The following TAF2 variants were observed in gnomAD, a reference collection of about 807,000 sequenced individuals.
The protein encoded by TAF2 is TATA-box binding protein associated factor 2, also known as transcription initiation factor TFIID subunit 2.
In TAF2, 61 loss-of-function variants were observed where a neutral mutation model predicts 138.5. That is an observed-to-expected ratio of 0.44 (90% CI 0.36 to 0.54). The LOEUF is 0.54. Among genes scored for constraint, TAF2 ranks in the 20% least tolerant of loss-of-function variants. The pLI is 0.00. For missense variants in TAF2, 1,090 were observed against 1,427.9 expected (o/e 0.76, Z 3.81); for synonymous variants, 475 against 469.9 (o/e 1.01, Z -0.14).
intron 2 of TAF2, among the ~76,000 whole-genome samples, chr8:119,827,143 G>C (rs1826153536): frequency 6.6e-6 from 1 of 152,128 alleles, no homozygotes; most frequent in Non-Finnish European, 1.5e-5. Flanking sequence ...GCAGTGAGCT[G>C]TGATTGCGCC....
chr8:119,748,509 G>A (rs569043447), intron 22 of TAF2, among the ~76,000 whole-genome samples: 2 of 151,860 alleles, frequency 1.3e-5, no homozygotes, highest in South Asian at 4.2e-4. Context: ...TTTTGCTGCT[G>A]TGTGACATAC....
At chr8:119,788,696 T>C in intron 13 of TAF2, 94 bp downstream of exon 13, 7 of 938,398 alleles carry the variant, frequency 7.5e-6, no homozygotes, top group Non-Finnish European at 1.2e-5. Context: ...AAACAAAATC[T>C]CATTAATTTC....
chr8:119,804,505 T>C (rs1375673650), intron 4 of TAF2, among the ~76,000 whole-genome samples: 3 of 152,178 alleles, frequency 2.0e-5, no homozygotes, highest in Non-Finnish European at 4.4e-5. Context: ...TTGCTGTTCT[T>C]GTGATAGTGA....
intron 3 of TAF2, among the ~76,000 whole-genome samples, chr8:119,811,298 T>C (rs564994981): frequency 6.6e-6 from 1 of 152,236 alleles, no homozygotes; most frequent in African/African-American, 2.4e-5. Context: ...CTTAAAACTA[T>C]AGATGCAGAT....
chr8:119,752,815 A>G (rs561344016), intron 22 of TAF2, among the ~76,000 whole-genome samples: 6 of 152,348 alleles, frequency 3.9e-5, no homozygotes, highest in African/African-American at 9.6e-5. Flanking sequence ...GTAACTATGC[A>G]AAGTCAATAT....
At position 119,806,275 on chromosome 8, in the gene TAF2, T is replaced by C. The variant is rs1165700063; in HGVS notation, c.418+8A>G. 1 of 1,608,458 alleles carries C rather than the reference T, an allele frequency of 6.2e-7. No homozygotes were observed. Among genetic ancestry groups the C allele is most frequent in the Non-Finnish European group, 8.5e-7 (1 of 1,174,944 alleles). The stretch of plus-strand genomic sequence containing the variant: ...TAGTGTACAGTCAATATACTCTTGG[T>C]GCTTTACCATCAACGTGTTTCCATA... On this transcript the variant is annotated splice_region_variant and intron_variant, in intron 4 of 25. Coordinates refer to ENST00000378164, the MANE Select transcript of TAF2 (RefSeq NM_003184.4).
rs541125544 is a variant in TAF2, at chr8:119,736,713, AT to A, written c.3338-4528del. On this transcript the variant is annotated intron_variant, in intron 25 of 25. Transcript: ENST00000378164. ...TGAAATATCACTATCTTGCAACTTA[AT>A]GAATTAAGGAATCTAGTTTGAACAT... Among the ~76,000 whole-genome samples the A allele has an allele frequency of 2.4e-3, 371 of 152,342 alleles. 3 individuals carry two copies. Among genetic ancestry groups the A allele is most frequent in the African/African-American group, 8.0e-3 (331 of 41,590 alleles).
chr8:119,817,273 A>G (rs1035695985), intron 3 of TAF2, among the ~76,000 whole-genome samples: 1 of 152,212 alleles, frequency 6.6e-6, no homozygotes, highest in Non-Finnish European at 1.5e-5. Flanking sequence ...GCCACACAGC[A>G]GGAGGTGAGT....
rs548226140 is a variant in TAF2, at chr8:119,803,673, G to A, written c.560+205C>T. On this transcript the variant is annotated intron_variant, in intron 5 of 25. Transcript: ENST00000378164. ...CACCCCAGTGTATTCCAACAAGGGT[G>A]ACAGAGCAAGACTGTCTGAAAAAAA... is the stretch of plus-strand genomic sequence containing the variant. Among the ~76,000 whole-genome samples, 270 of 146,540 alleles carry A rather than the reference G, an allele frequency of 1.8e-3. 1 individual carries two copies. Among genetic ancestry groups the A allele is most frequent in the Non-Finnish European group, 3.0e-3 (202 of 67,274 alleles).
chr8:119,780,385 T>C (rs942128608), intron 17 of TAF2, among the ~76,000 whole-genome samples: 8 of 152,194 alleles, frequency 5.3e-5, no homozygotes, highest in Non-Finnish European at 1.2e-4. Context: ...AACTTATGCA[T>C]GTGCAAACTG....
chr8:119,744,642 G>T (rs1024515517), intron 23 of TAF2: 2 of 506,704 alleles, frequency 3.9e-6, no homozygotes, highest in African/African-American at 3.9e-5. Context: ...TATTTTGTGA[G>T]AAAAAGTAGT....
chr8:119,819,811 C>A (rs774230957), intron 2 of TAF2, among the ~76,000 whole-genome samples: 1 of 151,274 alleles, frequency 6.6e-6, no homozygotes, highest in Non-Finnish European at 1.5e-5. Context: ...ACAGACTAGG[C>A]CCTAAAAAGG....
At position 119,799,335 on chromosome 8, in the gene TAF2, T is replaced by C. The variant is rs189504604; in HGVS notation, c.793-1489A>G. ...CCCCACCCCACGACAGGCCCCGGTG[T>C]GTGATGTTCCCCTTCCTGTGTCCAA... is the stretch of plus-strand genomic sequence containing the variant. On this transcript the variant is annotated intron_variant, in intron 6 of 25. Transcript: ENST00000378164. Among the ~76,000 whole-genome samples the C allele has an allele frequency of 1.6e-3, 240 of 145,882 alleles. 4 individuals are homozygous for C. In the East Asian group the frequency reaches 0.048, roughly 29 times the overall value.
At chr8:119,826,158 G>A (rs1826086015) in intron 2 of TAF2, among the ~76,000 whole-genome samples, 1 of 151,848 alleles carries the variant, frequency 6.6e-6, no homozygotes, top group South Asian at 2.1e-4. Context: ...AATACCTAAT[G>A]TAGGTGACAA....
chr8:119,784,290 C>T (rs563319996), intron 15 of TAF2, among the ~76,000 whole-genome samples: 4 of 152,194 alleles, frequency 2.6e-5, no homozygotes, highest in African/African-American at 9.6e-5. Flanking sequence ...TGCAATGGCT[C>T]ATGTCTGTAA....
intron 3 of TAF2, among the ~76,000 whole-genome samples, chr8:119,809,921 T>A (rs1417513717): frequency 6.8e-6 from 1 of 148,062 alleles, no homozygotes; most frequent in Non-Finnish European, 1.5e-5. Context: ...CATAGAGACA[T>A]GAAATGTGCA....
At chr8:119,788,965 T>C (rs547286876) in intron 12 of TAF2, 61 bp from the exon 13 acceptor site, 2 of 1,094,888 alleles carry the variant, frequency 1.8e-6, no homozygotes, top group Non-Finnish European at 2.8e-6. Context: ...CAAAGTAAGT[T>C]ATCCATCATG....
intron 2 of TAF2, among the ~76,000 whole-genome samples, chr8:119,823,679 G>T (rs896441874): frequency 6.6e-6 from 1 of 152,158 alleles, no homozygotes; most frequent in Non-Finnish European, 1.5e-5. Context: ...CAACAGAGTG[G>T]GGTGCTGATA....
intron 2 of TAF2, among the ~76,000 whole-genome samples, chr8:119,828,070 G>T (rs932420685): frequency 3.3e-5 from 5 of 152,024 alleles, no homozygotes; most frequent in African/African-American, 1.2e-4. Context: ...TAGAGACAGG[G>T]TTTCACCATG....
Sources: allele counts gnomAD v4.1 joint callset (sites outside exome capture counted in the v4.1 genomes callset), GRCh38; gene constraint gnomAD v4.1.1; transcripts MANE v1.5; gene names NCBI Gene and HGNC (gene_info 2026-07-23, HGNC 2026-07-21).